PDCD7: variants seen among roughly 807,000 people sequenced by gnomAD.
The protein encoded by PDCD7 is programmed cell death 7.
PDCD7 carries 40 observed loss-of-function variants against 42.1 expected under a neutral mutation model. That is an observed-to-expected ratio of 0.95 (90% CI 0.74 to 1.24). PDCD7 has a LOEUF of 1.24. Among genes scored for constraint, PDCD7 ranks in the 50% most tolerant of loss-of-function variants. The pLI, the probability that PDCD7 is intolerant of heterozygous loss-of-function variation, is 0.00. For missense variants in PDCD7, 644 were observed against 662.8 expected, an observed-to-expected ratio of 0.97 and a Z score of 0.31; for synonymous variants, 299 against 303.3, an observed-to-expected ratio of 0.99 and a Z score of 0.15.
In PDCD7 at chr15:65,133,019, C is replaced by G; in HGVS notation, c.763G>C (p.Glu255Gln). Reference sequence around the variant, plus strand: ...TCTGCCTCCCGCTCGGCCTCGCGTTCCCGGGCCCTCTCGCGAAGCCGCAGC... The same window carrying G: ...TCTGCCTCCCGCTCGGCCTCGCGTTGCCGGGCCCTCTCGCGAAGCCGCAGC... ...RRLRLRERAR[E>Q]REAEREAEAA... The change falls in exon 1 of 5, where the codon GAA becomes CAA. Residue 255 changes from glutamate to glutamine, a missense_variant. Coordinates refer to ENST00000204549, the MANE Select transcript of PDCD7 (RefSeq NM_005707.2). 1 of 1,600,716 alleles carries G rather than the reference C, an allele frequency of 6.2e-7. No homozygotes were observed. Among genetic ancestry groups the G allele is most frequent in the Non-Finnish European group, 8.5e-7 (1 of 1,178,528 alleles).
intron 1 of PDCD7, among the ~76,000 whole-genome samples, chr15:65,129,941 T>G (rs1456660270): frequency 7.0e-6 from 1 of 143,768 alleles, no homozygotes; most frequent in Non-Finnish European, 1.5e-5. Flanking sequence ...TTTTTTTTTT[T>G]GAGACAGGGT....
chr15:65,126,982 C>G (rs1310016674), intron 2 of PDCD7, among the ~76,000 whole-genome samples: 1 of 151,838 alleles, frequency 6.6e-6, no homozygotes, highest in African/African-American at 2.4e-5. Context: ...CAATTATTCA[C>G]TATCACTTGA....
intron 1 of PDCD7, among the ~76,000 whole-genome samples, chr15:65,130,545 C>A (rs986241847): frequency 3.9e-5 from 6 of 152,172 alleles, no homozygotes; most frequent in Non-Finnish European, 7.4e-5. Flanking sequence ...AAAGTGCTCT[C>A]CCCCATCTGT....
intron 1 of PDCD7, among the ~76,000 whole-genome samples, chr15:65,130,310 C>T (rs1197136550): frequency 2.0e-5 from 3 of 151,678 alleles, no homozygotes; most frequent in Admixed American, 6.6e-5. Context: ...GCTCCTGCCA[C>T]CATGCCCAGC....
intron 4 of PDCD7, 101 bp downstream of exon 4, chr15:65,119,274 TA>T (rs201488755): frequency 0.076 from 38,326 of 503,210 alleles, no homozygotes; most frequent in South Asian, 0.11. Context: ...TTATGGAACT[TA>T]AAAAAAAAAA....
chr15:65,119,929 A>G lies in PDCD7; in HGVS notation c.1035T>C (p.Asp345=). The change falls in exon 3 of 5, where the codon GAT becomes GAC. Residue 345 remains aspartate (D), a synonymous_variant. Transcript: ENST00000204549. ...GCTGAAGATGATGCGTAAAAGTCTC[A>G]TCTGCTGAGGCTGGAGGACAGACCC... is the stretch of plus-strand genomic sequence containing the variant. The part of the protein sequence containing the change: ...RKGVCPPASA[D]ETFTHHLQRL... 6.2e-7 allele frequency: 1 copy of G among 1,613,930 alleles called. No homozygotes were observed. Among genetic ancestry groups the G allele is most frequent in the Non-Finnish European group, 8.5e-7 (1 of 1,179,984 alleles).
rs1186656849 is a variant in PDCD7, at chr15:65,133,051, C to T, written c.731G>A (p.Arg244His). Residue 244 changes from arginine (R) to histidine (H), a missense_variant, in exon 1 of 5, where the codon CGC (arginine) becomes CAC (histidine). By Grantham distance (29) the Arg-to-His change is conservative. Transcript: ENST00000204549. ...CCTCTCGCGAAGCCGCAGCCGGCGG[C>T]GCCGGACCCTCTCCAGCCTCCTCCG... The part of the protein sequence containing the change: ...EARRRLERVR[R>H]RRLRLRERAR... 43 of 1,589,534 alleles carry T rather than the reference C, an allele frequency of 2.7e-5. No individual in the cohort carries two copies. The highest frequency in any genetic ancestry group is 3.6e-5 in the Non-Finnish European group (42 of 1,174,128).
At chr15:65,122,209 GC>G (rs1252779783) in intron 2 of PDCD7, among the ~76,000 whole-genome samples, 1 of 152,020 alleles carries the variant, frequency 6.6e-6, no homozygotes, top group Non-Finnish European at 1.5e-5. Flanking sequence ...GGTGGCGTGC[GC>G]CTGTAGTTCC....
intron 1 of PDCD7, 34 bp from the exon 2 acceptor site, chr15:65,129,204 T>A (rs1384889779): frequency 6.2e-7 from 1 of 1,610,258 alleles, no homozygotes; most frequent in South Asian, 1.1e-5. Context: ...AGACCTCGTA[T>A]TAGGAACAAA....
chr15:65,124,057 G>A (rs560654875), intron 2 of PDCD7, among the ~76,000 whole-genome samples: 1 of 151,974 alleles, frequency 6.6e-6, no homozygotes. Context: ...GCTGAGCCTG[G>A]GCCACCAACC....
rs536869293 is a variant in PDCD7, at chr15:65,119,661, T to C, written c.1246+57A>G. 3.9e-6 allele frequency: 6 copies of C among 1,545,086 alleles called. No homozygotes were observed. The East Asian group carries it at 1.1e-4, about 29-fold the overall frequency. On this transcript the variant is annotated intron_variant, in intron 3 of 4. Transcript: ENST00000204549. ...CCTCTTAGCTTGAGATCACCCGTGA[T>C]GAGAAGAGCGTCAATCTAGTATTTT... is the stretch of plus-strand genomic sequence containing the variant.
In PDCD7 at chr15:65,119,425, G is replaced by A. The variant is rs1252446112; in HGVS notation, c.1285C>T (p.Gln429Ter). ...GAGTGCTCGGCTTGGAGATAATACT[G>A]TCGGAAAGGCTCCAAGAGGTGAGCA... ...PLAHLLEPFR[Q>*]YYLQAEHSLP... The change falls in exon 4 of 5, where the codon CAG becomes TAG. Residue 429 changes from glutamine to a stop codon, truncating the protein, a stop_gained. Transcript: ENST00000204549. LOFTEE classifies it high-confidence loss of function. 1 of 1,614,002 alleles carries A rather than the reference G, an allele frequency of 6.2e-7. No homozygotes were observed. Among genetic ancestry groups the A allele is most frequent in the South Asian group, 1.1e-5 (1 of 91,076 alleles).
chr15:65,122,536 C>G (rs2087463966), intron 2 of PDCD7, among the ~76,000 whole-genome samples: 1 of 152,108 alleles, frequency 6.6e-6, no homozygotes, highest in Admixed American at 6.6e-5. Context: ...ACGTTCTTCT[C>G]CAATCTTCAT....
At position 65,120,084 on chromosome 15, in the gene PDCD7, C is replaced by T. The variant is rs1156705930; in HGVS notation, c.1010-130G>A. ...CAACTTCAAACTCCTGGGCTCAACC[C>T]ATCCTCCCACCTTGGCTTCCCAAGT... On this transcript the variant is annotated intron_variant, in intron 2 of 4. Transcript: ENST00000204549. 3 of 928,510 alleles carry T rather than the reference C, an allele frequency of 3.2e-6. No homozygotes were observed. In the African/African-American group the frequency reaches 5.0e-5, roughly 15 times the overall value. 57.5% of individuals were successfully genotyped at this position (928,510 alleles called of 1,614,324 possible).
chr15:65,119,677 C>A (rs200442729), intron 3 of PDCD7, 41 bp downstream of exon 3: 2 of 1,576,410 alleles, frequency 1.3e-6, no homozygotes, highest in South Asian at 1.2e-5. Context: ...GAGCGTCAAT[C>A]TAGTATTTTC....
intron 2 of PDCD7, among the ~76,000 whole-genome samples, chr15:65,128,070 A>G (rs924400301): frequency 2.0e-5 from 3 of 152,252 alleles, no homozygotes; most frequent in Non-Finnish European, 4.4e-5. Flanking sequence ...CAAAATGGTC[A>G]TATTCCAACA....
At chr15:65,130,141 C>G (rs574640503) in intron 1 of PDCD7, among the ~76,000 whole-genome samples, 1 of 149,268 alleles carries the variant, frequency 6.7e-6, no homozygotes, top group Non-Finnish European at 1.5e-5. Context: ...ACTTCGCACC[C>G]GCCCCCAACC....
chr15:65,129,229 T>G (rs951232386), intron 1 of PDCD7, 59 bp from the exon 2 acceptor site: 4 of 1,571,694 alleles, frequency 2.5e-6, no homozygotes, highest in African/African-American at 2.7e-5. Context: ...CAGCAGAGAA[T>G]AGCTGCCCAG....
chr15:65,121,424 TCTTAA>T (rs1020518111), intron 2 of PDCD7, among the ~76,000 whole-genome samples: 13 of 152,316 alleles, frequency 8.5e-5, no homozygotes, highest in African/African-American at 3.1e-4. Context: ...GAGGAACTTG[TCTTAA>T]CTTCATTGTT....
Sources: allele counts gnomAD v4.1 joint callset (sites outside exome capture counted in the v4.1 genomes callset), GRCh38; gene constraint gnomAD v4.1.1; transcripts MANE v1.5; gene names NCBI Gene and HGNC (gene_info 2026-07-23, HGNC 2026-07-21).